Variants in CHD2 observed in about 807,000 individuals in gnomAD.
The protein encoded by CHD2 is chromodomain helicase DNA binding protein 2.
In CHD2, 28 loss-of-function variants were observed where a neutral mutation model predicts 243.9. That is an observed-to-expected ratio of 0.11 (90% CI 0.09 to 0.16). The LOEUF is 0.16. Among genes scored for constraint, CHD2 ranks in the 10% least tolerant of loss-of-function variants. The pLI, the probability that CHD2 is intolerant of heterozygous loss-of-function variation, is 1.00. For missense variants in CHD2, 1,386 were observed against 2,209.8 expected, an observed-to-expected ratio of 0.63 and a Z score of 7.47; for synonymous variants, 775 against 779.0, an observed-to-expected ratio of 0.99 and a Z score of 0.09.
At chr15:93,019,434 C>T (rs2054503615) in intron 37 of CHD2, among the ~76,000 whole-genome samples, 1 of 152,028 alleles carries the variant, frequency 6.6e-6, no homozygotes, top group Admixed American at 6.5e-5. Context: ...GTAAATTTTG[C>T]CTTAAAATTT....
chr15:92,937,440 T>A, intron 5 of CHD2, 78 bp from the exon 6 acceptor site: 1 of 1,037,558 alleles, frequency 9.6e-7, no homozygotes. Context: ...ATAGTAAAAT[T>A]GAAATTGGTT....
chr15:92,931,712 T>TA (rs1413170980), intron 5 of CHD2, among the ~76,000 whole-genome samples: 1 of 152,184 alleles, frequency 6.6e-6, no homozygotes, highest in East Asian at 1.9e-4. Flanking sequence ...TAATGTTTTT[T>TA]ATGAACTATT....
chr15:92,975,037 A>G (rs2053889500), intron 20 of CHD2, 87 bp downstream of exon 20: 1 of 1,097,380 alleles, frequency 9.1e-7, no homozygotes, highest in Non-Finnish European at 1.4e-6. Flanking sequence ...TCTGTTTCAG[A>G]AACAATTTAT....
intron 27 of CHD2, among the ~76,000 whole-genome samples, chr15:92,992,658 A>G (rs773337243): frequency 3.9e-5 from 6 of 152,214 alleles, no homozygotes; most frequent in Non-Finnish European, 8.8e-5. Flanking sequence ...TCAAGACACA[A>G]TTCTTTATGA....
intron 28 of CHD2, among the ~76,000 whole-genome samples, chr15:92,993,581 A>AGGAATAGGAATG (rs77880685): frequency 0.22 from 33,561 of 151,950 alleles, 4,277 homozygotes; most frequent in East Asian, 0.56. Context: ...CAAGAGGTAT[A>AGGAATAGGAATG]GGAATGCTTG....
intron 36 of CHD2, 117 bp from the exon 37 acceptor site, chr15:93,014,579 C>T: frequency 1.2e-6 from 1 of 859,664 alleles, no homozygotes; most frequent in Non-Finnish European, 1.8e-6. Flanking sequence ...GTAGTAAACG[C>T]CAGTTCAGAA....
chr15:92,953,287 T>A, intron 13 of CHD2, 70 bp from the exon 14 acceptor site: 1 of 1,268,692 alleles, frequency 7.9e-7, no homozygotes, highest in Non-Finnish European at 1.1e-6. Context: ...GTGTCGTTGC[T>A]GTTTATGCAC....
Position 93,014,721 on chromosome 15 carries a change from C to T in CHD2, c.4718C>T (p.Thr1573Ile). The change falls in exon 37 of 39, where the codon ACT (threonine) becomes ATT (isoleucine). Residue 1573 changes from threonine to isoleucine, a missense_variant. Physicochemically the swap from Thr to Ile is moderately conservative, Grantham distance 89. Transcript: ENST00000394196. ...EEEQKKKDDV[T>I]GGKKPFRPEA... ...GAGCAAAAGAAGAAAGACGACGTGACTGGGGGTAAGAAACCATTTCGTCCA... is the reference window on the plus strand; with the variant it reads ...GAGCAAAAGAAGAAAGACGACGTGATTGGGGGTAAGAAACCATTTCGTCCA... 1.2e-6 allele frequency: 2 copies of T among 1,614,138 alleles called. No homozygotes were observed. The highest frequency in any genetic ancestry group is 1.1e-5 in the South Asian group (1 of 91,076).
intron 26 of CHD2, among the ~76,000 whole-genome samples, chr15:92,987,938 A>G (rs2054065635): frequency 6.6e-6 from 1 of 152,264 alleles, no homozygotes; most frequent in African/African-American, 2.4e-5. Context: ...ATTAACATCA[A>G]TTTAATTTCA....
chr15:92,905,160 T>C (rs1348344498), intron 2 of CHD2, among the ~76,000 whole-genome samples: 1 of 152,238 alleles, frequency 6.6e-6, no homozygotes, highest in Non-Finnish European at 1.5e-5. Flanking sequence ...AACTACTCTT[T>C]TAAGTGTTAA....
intron 7 of CHD2, among the ~76,000 whole-genome samples, chr15:92,940,919 T>C (rs2053363452): frequency 7.2e-6 from 1 of 138,738 alleles, no homozygotes; most frequent in Non-Finnish European, 1.5e-5. Flanking sequence ...TATATAAATA[T>C]ACATATAAAT....
intron 5 of CHD2, among the ~76,000 whole-genome samples, chr15:92,935,143 C>A (rs2053242802): frequency 6.6e-6 from 1 of 151,318 alleles, no homozygotes; most frequent in Non-Finnish European, 1.5e-5. Context: ...TCACGCCATT[C>A]TCCTGCCTCA....
chr15:92,928,975 C>G, intron 4 of CHD2, 55 bp from the exon 5 acceptor site: 1 of 1,529,142 alleles, frequency 6.5e-7, no homozygotes. Context: ...TAGTGTTGTC[C>G]CGAAGAACTG....
rs968962355 is a variant in CHD2 at position 92,928,962 on chromosome 15, A to G, written c.382-68A>G. 9 of 1,428,794 alleles carry G rather than the reference A, an allele frequency of 6.3e-6. No homozygotes were observed. In the African/African-American group the frequency reaches 1.3e-4, roughly 20 times the overall value. The allele number at this position is 1,428,794 out of a possible 1,614,324, so 88.5% of individuals were successfully genotyped here. On this transcript the variant is annotated intron_variant, in intron 4 of 38. Coordinates refer to ENST00000394196, the MANE Select transcript of CHD2 (RefSeq NM_001271.4). Reference sequence around the variant, plus strand: ...ATATTGAGTAGACTGTTGATCCAGGAGATAGTGTTGTCCCGAAGAACTGTG... The same window carrying G: ...ATATTGAGTAGACTGTTGATCCAGGGGATAGTGTTGTCCCGAAGAACTGTG...
intron 23 of CHD2, among the ~76,000 whole-genome samples, 191 bp from the exon 24 acceptor site, chr15:92,981,174 T>C (rs1459884336): frequency 1.3e-5 from 2 of 152,180 alleles, no homozygotes; most frequent in African/African-American, 4.8e-5. Context: ...ACCTTGTCAT[T>C]TGTATAAATT....
At chr15:92,991,745 C>T (rs963012363) in intron 27 of CHD2, 17 of 401,438 alleles carry the variant, frequency 4.2e-5, no homozygotes, top group Middle Eastern at 6.3e-4. Context: ...CTTTCACCTT[C>T]GTGAGGGAGA....
intron 26 of CHD2, 28 bp from the exon 27 acceptor site, chr15:92,991,448 T>A (rs768044539): frequency 2.0e-5 from 31 of 1,551,364 alleles, no homozygotes; most frequent in South Asian, 3.5e-5. Context: ...TCTGTTTTTT[T>A]AATATGTTTT....
intron 38 of CHD2, 83 bp from the exon 39 acceptor site, chr15:93,024,289 A>G (rs1214200648): frequency 5.7e-6 from 7 of 1,226,934 alleles, no homozygotes; most frequent in Non-Finnish European, 8.1e-6. Flanking sequence ...TGAGTATATG[A>G]GGAAGAGCCA....
chr15:92,915,884 G>A (rs2052824736), intron 2 of CHD2, among the ~76,000 whole-genome samples: 1 of 152,066 alleles, frequency 6.6e-6, no homozygotes, highest in Non-Finnish European at 1.5e-5. Context: ...TGCCCACAGG[G>A]AAATTCCTTG....
Sources: gnomAD v4.1 joint callset for allele counts (sites outside exome capture counted in the v4.1 genomes callset) on GRCh38, gnomAD v4.1.1 for gene constraint, MANE v1.5 for transcripts, NCBI Gene and HGNC (gene_info 2026-07-23, HGNC 2026-07-21) for gene names.